Variants in MTOR observed in about 807,000 individuals in gnomAD.
The protein encoded by MTOR is serine/threonine-protein kinase mTOR.
A neutral mutation model predicts 319.8 loss-of-function variants in MTOR; 70 were observed. The ratio of observed to expected loss-of-function variants is 0.22; its 90% CI spans 0.18 to 0.27. The LOEUF (loss-of-function observed/expected upper bound fraction) is 0.27, where lower values mean the gene tolerates loss of function less well. Among genes scored for constraint, MTOR ranks in the 10% least tolerant of loss-of-function variants. MTOR has a pLI of 1.00. For missense variants in MTOR, 1,890 were observed against 3,274.4 expected (o/e 0.58, Z 10.32); for synonymous variants, 1,183 against 1,211.4 (o/e 0.98, Z 0.49).
chr1:11,221,770 GCT>G (rs1238706174), intron 19 of MTOR, among the ~76,000 whole-genome samples: 3 of 147,894 alleles, frequency 2.0e-5, no homozygotes, highest in East Asian at 1.9e-4. Flanking sequence ...TATATAGAGA[GCT>G]CTGTTTCTTT....
At chr1:11,149,150 G>A (rs978880420) in intron 31 of MTOR, 1 of 152,156 alleles carries the variant, frequency 6.6e-6, no homozygotes, top group African/African-American at 2.4e-5. Context: ...GAATGTGTAG[G>A]TGTATGACCC....
At position 11,116,978 on chromosome 1, in the gene MTOR, T is replaced by TA. The variant is rs1448853622; in HGVS notation, c.7016+25dup. 5 of 1,568,130 alleles carry TA rather than the reference T, an allele frequency of 3.2e-6. No individual in the cohort carries two copies. The African/African-American group carries it at 4.1e-5, about 13-fold the overall frequency. ...GAAAACTACAATGGAGAAAGAAGAC[T>TA]AAAAAAACCAAATTAAATTACTCAC... is the stretch of plus-strand genomic sequence containing the variant. On this transcript the variant is annotated intron_variant, in intron 50 of 57. Transcript: ENST00000361445.
intron 19 of MTOR, among the ~76,000 whole-genome samples, chr1:11,227,984 C>T (rs760644194): frequency 2.0e-5 from 3 of 151,450 alleles, no homozygotes. Flanking sequence ...AGTAATGGGA[C>T]CAACTGGTGG....
intron 12 of MTOR, 28 bp from the exon 13 acceptor site, chr1:11,238,076 T>G (rs760432748): frequency 1.9e-6 from 3 of 1,609,306 alleles, no homozygotes; most frequent in Non-Finnish European, 1.7e-6. Context: ...CCTTTGAACA[T>G]TTCCTCATGA....
chr1:11,175,151 T>C (rs1644942753), intron 28 of MTOR, among the ~76,000 whole-genome samples: 4 of 152,326 alleles, frequency 2.6e-5, no homozygotes, highest in Admixed American at 6.5e-5. Context: ...TTTCCAGTTA[T>C]AACATCCAGT....
At chr1:11,213,059 C>T (rs1225456123) in intron 21 of MTOR, 151 bp from the exon 22 acceptor site, 2 of 621,932 alleles carry the variant, frequency 3.2e-6, no homozygotes, top group African/African-American at 3.7e-5. Context: ...TTTGATAGCA[C>T]TTTCTTCCCC....
chr1:11,171,932 G>C (rs550507392), intron 28 of MTOR, among the ~76,000 whole-genome samples: 1 of 152,012 alleles, frequency 6.6e-6, no homozygotes, highest in African/African-American at 2.4e-5. Flanking sequence ...CTACTGGGAA[G>C]GCTGAGGCAG....
Position 11,251,655 on chromosome 1 carries a change from C to CTTTTTTTTTT in MTOR, c.840+2174_840+2183dup, listed in dbSNP as rs761523542. ...TTAATACCTTATATTTAGATAGTTTCTTTTTTTTTTTTTTTTTTTAGTGAC... is the reference window on the plus strand; with the variant it reads ...TTAATACCTTATATTTAGATAGTTTCTTTTTTTTTTTTTTTTTTTTTTTTTTTTTAGTGAC... On this transcript the variant is annotated intron_variant, in intron 6 of 57. Coordinates refer to ENST00000361445, the MANE Select transcript of MTOR (RefSeq NM_004958.4). Among the ~76,000 whole-genome samples, 41 of 113,690 alleles carry CTTTTTTTTTT rather than the reference C, an allele frequency of 3.6e-4. 1 individual carries two copies. Among genetic ancestry groups the CTTTTTTTTTT allele is most frequent in the African/African-American group, 1.2e-3 (37 of 31,188 alleles). 74.6% of individuals were successfully genotyped at this position (113,690 alleles called of 152,430 possible). A position where few individuals can be genotyped will look rare whatever the true frequency, so the allele number is the denominator to read the frequency against.
chr1:11,124,096 A>C (rs1192925232), intron 47 of MTOR, among the ~76,000 whole-genome samples: 1 of 151,990 alleles, frequency 6.6e-6, no homozygotes, highest in Non-Finnish European at 1.5e-5. Context: ...TCACCTTTTT[A>C]ATTTTTTTAA....
chr1:11,215,555 T>C (rs976021746), intron 20 of MTOR, among the ~76,000 whole-genome samples: 4 of 152,318 alleles, frequency 2.6e-5, no homozygotes, highest in South Asian at 2.1e-4. Flanking sequence ...ATCTTCCCCG[T>C]AGAGACATTT....
intron 29 of MTOR, 113 bp from the exon 30 acceptor site, chr1:11,157,404 T>C (rs112497574): frequency 3.1e-6 from 4 of 1,292,068 alleles, no homozygotes; most frequent in Middle Eastern, 3.9e-4. Flanking sequence ...ACTTCACCTA[T>C]CACAGTTACG....
intron 25 of MTOR, among the ~76,000 whole-genome samples, chr1:11,208,678 AG>A (rs1190517492): frequency 6.6e-6 from 1 of 152,250 alleles, no homozygotes; most frequent in Non-Finnish European, 1.5e-5. Flanking sequence ...CTGATTCACT[AG>A]AGATGCTTTG....
chr1:11,162,073 G>A (rs764273027), intron 29 of MTOR, among the ~76,000 whole-genome samples: 1 of 152,154 alleles, frequency 6.6e-6, no homozygotes, highest in Non-Finnish European at 1.5e-5. Flanking sequence ...AATAACTGGT[G>A]TAGAGAAGAC....
chr1:11,244,249 G>A (rs6683420), intron 8 of MTOR, among the ~76,000 whole-genome samples: 85,114 of 138,914 alleles, frequency 0.61, 28,649 homozygotes, highest in East Asian at 0.87. Context: ...CCGAGATCAC[G>A]CCATTCCACT....
rs1157806358 is a variant in MTOR at position 11,234,261 on chromosome 1, A to G, written c.2213T>C (p.Leu738Ser). 6.2e-7 allele frequency: 1 copy of G among 1,611,898 alleles called. No individual in the cohort carries two copies. Among genetic ancestry groups the G allele is most frequent in the East Asian group, 2.2e-5 (1 of 44,856 alleles). The change falls in exon 14 of 58, where the codon TTG becomes TCG. Residue 738 changes from leucine (L) to serine (S), a missense_variant. Physicochemically the swap from Leu to Ser is moderately radical, Grantham distance 145 (BLOSUM62 -2). Transcript: ENST00000361445. ...AATCCCACTGTGCTCCAACTCTGTC[A>G]AAATCTGTAGGGAAGAAAGGCTCAT... ...PFLRKMLIQILTELEHSGIGR... is the reference protein window; with the variant it reads ...PFLRKMLIQISTELEHSGIGR...
At chr1:11,163,098 A>G (rs1297462779) in intron 29 of MTOR, among the ~76,000 whole-genome samples, 2 of 152,220 alleles carry the variant, frequency 1.3e-5, no homozygotes, top group Admixed American at 1.3e-4. Context: ...AGATCTACCA[A>G]GCAAATGGAA....
chr1:11,213,657 T>C lies in MTOR; in HGVS notation c.3118-91A>G, dbSNP rs1421302945. On this transcript the variant is annotated intron_variant, in intron 20 of 57. Transcript: ENST00000361445. ...ATCAAGATGGCCAGAAAAGCAAAAC[T>C]GTAGTGAGCATGGTCTGCGCCGAGA... is the stretch of plus-strand genomic sequence containing the variant. 8.7e-6 allele frequency: 11 copies of C among 1,264,336 alleles called. No homozygotes were observed. The East Asian group carries it at 9.3e-5, about 11-fold the overall frequency. The allele number at this position is 1,264,336 out of a possible 1,614,324, so 78.3% of individuals were successfully genotyped here.
chr1:11,212,977 G>T lies in MTOR; in HGVS notation c.3286-69C>A. On this transcript the variant is annotated intron_variant, in intron 21 of 57. Transcript: ENST00000361445. This position sits in a 1 kb window ranked among gnomAD's most constrained non-coding sequence, Gnocchi z 4.1. ...AAGTATCTAAGGACACGCAGCGGGT[G>T]GTGGTGTAGACAATTCAAAGTTCTC... 8.0e-7 allele frequency: 1 copy of T among 1,249,996 alleles called. No homozygotes were observed. The highest frequency in any genetic ancestry group is 1.2e-6 in the Non-Finnish European group (1 of 853,378). The allele number at this position is 1,249,996 out of a possible 1,614,324, so 77.4% of individuals were successfully genotyped here.
At chr1:11,204,953 T>C (rs1646091403) in intron 25 of MTOR, among the ~76,000 whole-genome samples, 1 of 152,126 alleles carries the variant, frequency 6.6e-6, no homozygotes, top group Admixed American at 6.5e-5. Flanking sequence ...AAAGGAGCAC[T>C]ACAGAACCAG....
Sources: allele counts gnomAD v4.1 joint callset (sites outside exome capture counted in the v4.1 genomes callset), GRCh38; gene constraint gnomAD v4.1.1; non-coding constraint Gnocchi (gnomAD v3.1); transcripts MANE v1.5; gene names NCBI Gene and HGNC (gene_info 2026-07-23, HGNC 2026-07-21).